SGCZ: variants seen among roughly 807,000 people sequenced by gnomAD.
SGCZ encodes the protein zeta-sarcoglycan.
SGCZ carries 40 observed loss-of-function variants against 41.3 expected under a neutral mutation model. The ratio of observed to expected loss-of-function variants is 0.97; its 90% CI spans 0.75 to 1.26. SGCZ has a LOEUF of 1.26. Ranked by LOEUF, SGCZ falls within the 50% of genes most tolerant of loss-of-function variation. The pLI is 0.00. For missense variants in SGCZ, 552 were observed against 369.8 expected (o/e 1.49, Z -4.04); for synonymous variants, 206 against 137.5 (o/e 1.50, Z -3.49).
intron 2 of SGCZ, among the ~76,000 whole-genome samples, chr8:14,474,529 C>A (rs1017643545): frequency 6.6e-6 from 1 of 152,126 alleles, no homozygotes; most frequent in African/African-American, 2.4e-5. Flanking sequence ...AATGTTTAGT[C>A]ATGGTTTTAC....
chr8:14,668,567 A>C (rs1275036146), intron 1 of SGCZ, among the ~76,000 whole-genome samples: 1 of 152,088 alleles, frequency 6.6e-6, no homozygotes, highest in African/African-American at 2.4e-5. Flanking sequence ...ACTTACTTTA[A>C]AATATAAGTT....
Position 14,597,689 on chromosome 8 carries a change from C to A in SGCZ, c.40-42763G>T, listed in dbSNP as rs183925816. ...ATGGGGTTTTACCATGTTGGCCAGGCTGGTCTCGAACTCCTGACTTCAGGT... is the reference window on the plus strand; with the variant it reads ...ATGGGGTTTTACCATGTTGGCCAGGATGGTCTCGAACTCCTGACTTCAGGT... On this transcript the variant is annotated intron_variant, in intron 1 of 7. Coordinates refer to ENST00000382080, the MANE Select transcript of SGCZ (RefSeq NM_139167.4). Among the ~76,000 whole-genome samples, 65 of 152,236 alleles carry A rather than the reference C, an allele frequency of 4.3e-4. 1 individual carries two copies. In the East Asian group the frequency reaches 7.9e-3, roughly 19 times the overall value.
chr8:14,966,333 TC>T, intron 1 of SGCZ, among the ~76,000 whole-genome samples: 1 of 151,834 alleles, frequency 6.6e-6, no homozygotes, highest in African/African-American at 2.4e-5. Context: ...TAATCTATAT[TC>T]AATTGTATAT....
intron 1 of SGCZ, among the ~76,000 whole-genome samples, chr8:14,861,464 A>G (rs1803744378): frequency 6.6e-6 from 1 of 152,162 alleles, no homozygotes; most frequent in Non-Finnish European, 1.5e-5. Context: ...TATACATTGT[A>G]TATTTCAGTG....
intron 5 of SGCZ, among the ~76,000 whole-genome samples, chr8:14,122,121 C>CA (rs541147049): frequency 2.0e-5 from 3 of 152,122 alleles, no homozygotes; most frequent in Admixed American, 6.5e-5. Context: ...ACTAAAAATA[C>CA]AAAAAAATAG....
At chr8:15,194,734 C>T (rs1800665295) in intron 1 of SGCZ, among the ~76,000 whole-genome samples, 1 of 152,116 alleles carries the variant, frequency 6.6e-6, no homozygotes, top group East Asian at 1.9e-4. Context: ...CCAAGGCCGC[C>T]TTTGGAAGTT....
chr8:14,488,541 A>T (rs915480688), intron 2 of SGCZ, among the ~76,000 whole-genome samples: 2 of 152,078 alleles, frequency 1.3e-5, no homozygotes, highest in Admixed American at 6.6e-5. Context: ...CAGTTTTACA[A>T]CATGGAAATG....
At chr8:14,551,766 T>G (rs1485556586) in intron 2 of SGCZ, among the ~76,000 whole-genome samples, 1 of 139,610 alleles carries the variant, frequency 7.2e-6, no homozygotes, top group African/African-American at 2.6e-5. Flanking sequence ...TTTCTACAAC[T>G]GGGTATCTCA....
chr8:15,230,989 C>G (rs1349736054), intron 1 of SGCZ, among the ~76,000 whole-genome samples: 1 of 152,192 alleles, frequency 6.6e-6, no homozygotes, highest in Non-Finnish European at 1.5e-5. Context: ...CAATGTCTCC[C>G]AAGTACTACT....
At chr8:14,379,303 G>A (rs1030965782) in intron 2 of SGCZ, among the ~76,000 whole-genome samples, 6 of 152,126 alleles carry the variant, frequency 3.9e-5, no homozygotes, top group African/African-American at 1.2e-4. Context: ...ACTAACTTAC[G>A]TAAGTCAATA....
chr8:14,212,808 G>C (rs191190189), intron 4 of SGCZ, among the ~76,000 whole-genome samples: 16 of 152,068 alleles, frequency 1.1e-4, no homozygotes, highest in Admixed American at 3.3e-4. Context: ...GTTTCAATAA[G>C]CAACTACAAA....
At chr8:14,847,831 T>G (rs1294125250) in intron 1 of SGCZ, among the ~76,000 whole-genome samples, 1 of 145,486 alleles carries the variant, frequency 6.9e-6, no homozygotes, top group South Asian at 2.2e-4. Context: ...CTCTCTAATA[T>G]CACAAGTAAG....
Position 14,712,090 on chromosome 8 carries a change from G to A in SGCZ, c.40-157164C>T, listed in dbSNP as rs1024115151. Among the ~76,000 whole-genome samples the A allele has an allele frequency of 5.3e-5, 8 of 152,138 alleles. No homozygotes were observed. The South Asian group carries it at 8.3e-4, about 16-fold the overall frequency. On this transcript the variant is annotated intron_variant, in intron 1 of 7. Coordinates refer to ENST00000382080, the MANE Select transcript of SGCZ (RefSeq NM_139167.4). ...TCAAGACCAGCCTGGCCAACATGGC[G>A]AATCCTCGTCTCTACTAAAAGAAAA...
intron 1 of SGCZ, among the ~76,000 whole-genome samples, chr8:14,618,019 C>A (rs1806162091): frequency 6.6e-6 from 1 of 151,838 alleles, no homozygotes; most frequent in South Asian, 2.1e-4. Flanking sequence ...TTCCATTTTT[C>A]TGAGAAAAAT....
At chr8:14,243,936 T>C (rs902859643) in intron 3 of SGCZ, among the ~76,000 whole-genome samples, 1 of 152,176 alleles carries the variant, frequency 6.6e-6, no homozygotes, top group Admixed American at 6.5e-5. Flanking sequence ...CCTGAAAACA[T>C]AGTATGCTGT....
intron 1 of SGCZ, among the ~76,000 whole-genome samples, chr8:15,155,200 T>G (rs748685903): frequency 6.6e-6 from 1 of 151,964 alleles, no homozygotes; most frequent in Non-Finnish European, 1.5e-5. Context: ...GAGGCTGAGG[T>G]GGAACAATGG....
chr8:15,172,152 C>CGG (rs1322884184), intron 1 of SGCZ, among the ~76,000 whole-genome samples: 1,231 of 70,392 alleles, frequency 0.017, 92 homozygotes, highest in African/African-American at 0.044. Context: ...CTTTTATACT[C>CGG]TGTTTTTTTT....
intron 7 of SGCZ, among the ~76,000 whole-genome samples, chr8:14,093,062 G>C (rs1801737422): frequency 6.6e-6 from 1 of 152,000 alleles, no homozygotes; most frequent in South Asian, 2.1e-4. Context: ...AAAAAAAACG[G>C]ATCTTGAATT....
chr8:14,221,611 TC>T (rs1292889848), intron 4 of SGCZ, among the ~76,000 whole-genome samples: 2 of 152,192 alleles, frequency 1.3e-5, no homozygotes, highest in Non-Finnish European at 2.9e-5. Context: ...TATATGTTAA[TC>T]CCACAGTTAG....
Sources: allele counts gnomAD v4.1 joint callset (sites outside exome capture counted in the v4.1 genomes callset), GRCh38; gene constraint gnomAD v4.1.1; transcripts MANE v1.5; gene names NCBI Gene and HGNC (gene_info 2026-07-23, HGNC 2026-07-21).